Variants in RIPPLY2 observed in about 807,000 individuals in gnomAD.
RIPPLY2 encodes ripply transcriptional repressor 2, also known as protein ripply2.
RIPPLY2 carries 20 observed loss-of-function variants against 17.7 expected under a neutral mutation model. The ratio of observed to expected loss-of-function variants is 1.13; its 90% CI spans 0.79 to 1.64. RIPPLY2 has a LOEUF of 1.64. Among genes scored for constraint, RIPPLY2 ranks in the 40% most tolerant of loss-of-function variants. RIPPLY2 has a pLI of 0.00. For missense variants in RIPPLY2, 213 were observed against 169.8 expected (o/e 1.25, Z -1.41); for synonymous variants, 69 against 63.9 (o/e 1.08, Z -0.38).
chr6:83,855,053 A>G (rs1268502769), intron 3 of RIPPLY2: 1 of 152,282 alleles, frequency 6.6e-6, no homozygotes, highest in Non-Finnish European at 1.5e-5. Context: ...AGTCTTGGAA[A>G]AGTTAGTCAG....
intron 2 of RIPPLY2, 45 bp from the exon 3 acceptor site, chr6:83,854,052 A>G: frequency 6.5e-7 from 1 of 1,548,926 alleles, no homozygotes; most frequent in Non-Finnish European, 8.9e-7. Flanking sequence ...TCCACTTTCT[A>G]GAAGGAGGTG....
At position 83,853,601 on chromosome 6, in the gene RIPPLY2, C is replaced by A; in HGVS notation, c.95+90C>A. 9.7e-6 allele frequency: 15 copies of A among 1,545,420 alleles called. No homozygotes were observed. The South Asian group carries it at 1.8e-4, about 19-fold the overall frequency. ...AGCTCCTCCCCTCCAACTCTCCATC[C>A]CCCACTGCCCGGTGCCAGCGCTCGG... On this transcript the variant is annotated intron_variant, in intron 1 of 3. Transcript: ENST00000369689.
chr6:83,856,544 G>A (rs1345464656), intron 3 of RIPPLY2: 2 of 152,114 alleles, frequency 1.3e-5, no homozygotes, highest in African/African-American at 4.8e-5. Context: ...ATACTTACAT[G>A]CCAGTTATTT....
At chr6:83,853,668 C>T (rs372265905) in intron 1 of RIPPLY2, 27 bp from the exon 2 acceptor site, 3 of 1,606,816 alleles carry the variant, frequency 1.9e-6, no homozygotes, top group Admixed American at 3.4e-5. Context: ...GTCTCCTCTG[C>T]GCGCCTTGTG....
Position 83,857,279 on chromosome 6 carries a change from T to C in RIPPLY2, c.277T>C (p.Tyr93His). 8 of 1,547,336 alleles carry C rather than the reference T, an allele frequency of 5.2e-6. No homozygotes were observed. The highest frequency in any genetic ancestry group is 7.0e-6 in the Non-Finnish European group (8 of 1,150,790). Residue 93 changes from tyrosine (Y) to histidine (H), a missense_variant, in exon 4 of 4, where the codon TAT becomes CAT. Transcript: ENST00000369689. ...WPKSKCYDYL[Y>H]QEAEALLKNF... ...AAAATCAAAATGTTATGATTACTTA[T>C]ATCAAGAAGCAGAAGCTCTTCTGAA...
At chr6:83,857,165 C>T in intron 3 of RIPPLY2, 77 bp from the exon 4 acceptor site, 2 of 915,442 alleles carry the variant, frequency 2.2e-6, no homozygotes, top group Non-Finnish European at 3.1e-6. Flanking sequence ...ATATATGGAG[C>T]TCTTGAAATT....
rs1301757309 is a variant in RIPPLY2 at position 83,853,362 on chromosome 6, C to G, written c.-55C>G. 3 of 1,449,066 alleles carry G rather than the reference C, an allele frequency of 2.1e-6. No homozygotes were observed. Among genetic ancestry groups the G allele is most frequent in the Admixed American group, 4.2e-5 (2 of 47,160 alleles). The allele number at this position is 1,449,066 out of a possible 1,614,324, so 89.8% of individuals were successfully genotyped here. ...AGCTCGGGTCTCGGACCTACTGGAA[C>G]TGGTCAAGATTGCCCGCGAGCTGGC... On this transcript the variant is annotated 5_prime_UTR_variant, in exon 1 of 4. Transcript: ENST00000369689.
At chr6:83,856,178 T>G (rs1469167387) in intron 3 of RIPPLY2, 1 of 152,244 alleles carries the variant, frequency 6.6e-6, no homozygotes, top group African/African-American at 2.4e-5. Context: ...TATTCATCTT[T>G]AAATTGTGAA....
intron 1 of RIPPLY2, 66 bp downstream of exon 1, chr6:83,853,577 G>C: frequency 2.0e-6 from 3 of 1,533,126 alleles, no homozygotes; most frequent in Middle Eastern, 2.0e-4. Flanking sequence ...CGCCTCCCCA[G>C]CTCCTCCCCT....
chr6:83,853,263 T>C, upstream of RIPPLY2: 2 of 619,424 alleles, frequency 3.2e-6, no homozygotes, highest in South Asian at 4.1e-5. Flanking sequence ...CCTTTTTGTT[T>C]ATGCGGCTAG....
At chr6:83,853,604 C>A in intron 1 of RIPPLY2, 91 bp from the exon 2 acceptor site, 1 of 1,550,536 alleles carries the variant, frequency 6.4e-7, no homozygotes, top group East Asian at 2.3e-5. Flanking sequence ...CTCCATCCCC[C>A]ACTGCCCGGT....
In RIPPLY2 at chr6:83,853,782, G is replaced by A. The variant is rs765358198; in HGVS notation, c.174+9G>A. 3.1e-6 allele frequency: 5 copies of A among 1,609,848 alleles called. No homozygotes were observed. In the Admixed American group the frequency reaches 8.4e-5, roughly 27 times the overall value. On this transcript the variant is annotated intron_variant, in intron 2 of 3. Coordinates refer to ENST00000369689, the MANE Select transcript of RIPPLY2 (RefSeq NM_001009994.3). The stretch of plus-strand genomic sequence containing the variant: ...ACCACGCCGCGGAGGCGGTGAGTGA[G>A]CCACGCGTCTCAGGCCGCGCCTCCC...
At position 83,853,513 on chromosome 6, in the gene RIPPLY2, T is replaced by G. The variant is rs950221688; in HGVS notation, c.95+2T>G. The G allele has an allele frequency of 7.2e-6, 11 of 1,537,930 alleles. No individual in the cohort carries two copies. Among genetic ancestry groups the G allele is most frequent in the Middle Eastern group, 2.2e-4 (1 of 4,458 alleles). On this transcript the variant is annotated splice_donor_variant, in intron 1 of 3. Coordinates refer to ENST00000369689, the MANE Select transcript of RIPPLY2 (RefSeq NM_001009994.3). LOFTEE classifies it high-confidence loss of function. ...GCGGCGCGCGGGCGCGGACTCCGGGTAGGCTTCCCCGCGCTGCTCTGCGCC... is the reference window on the plus strand; with the variant it reads ...GCGGCGCGCGGGCGCGGACTCCGGGGAGGCTTCCCCGCGCTGCTCTGCGCC...
chr6:83,854,249 T>G, intron 3 of RIPPLY2, 88 bp downstream of exon 3: 1 of 1,011,806 alleles, frequency 9.9e-7, no homozygotes, highest in Non-Finnish European at 1.6e-6. Flanking sequence ...CCGCAGCTGG[T>G]CCTGCAGTCT....
intron 3 of RIPPLY2, 33 bp from the exon 4 acceptor site, chr6:83,857,209 G>A (rs367682293): frequency 9.9e-6 from 14 of 1,418,882 alleles, no homozygotes; most frequent in Non-Finnish European, 1.1e-5. Flanking sequence ...TCCTGAATGT[G>A]AAAAAATAAA....
chr6:83,853,986 G>T, intron 2 of RIPPLY2, 111 bp from the exon 3 acceptor site: 1 of 1,165,900 alleles, frequency 8.6e-7, no homozygotes, highest in Non-Finnish European at 1.3e-6. Context: ...CGAGGCTGCT[G>T]AGAGCCCTGG....
rs372681617 is a variant in RIPPLY2 at position 83,853,456 on chromosome 6, G to A, written c.40G>A (p.Ala14Thr). ...AGGAEGTESGAAACAATDGPT... is the reference protein window; with the variant it reads ...AGGAEGTESGTAACAATDGPT... The stretch of plus-strand genomic sequence containing the variant: ...AGGCGCAGAGGGTACAGAGAGTGGA[G>A]CTGCGGCGTGCGCGGCCACCGACGG... The change falls in exon 1 of 4, where the codon GCT (alanine) becomes ACT (threonine). Residue 14 changes from alanine (A) to threonine (T), a missense_variant. Transcript: ENST00000369689. 35 of 1,542,536 alleles carry A rather than the reference G, an allele frequency of 2.3e-5. No homozygotes were observed. The highest frequency in any genetic ancestry group is 4.0e-5 in the Admixed American group (2 of 50,624).
upstream of RIPPLY2, chr6:83,853,344 G>A (rs905545514): frequency 7.8e-7 from 1 of 1,276,292 alleles, no homozygotes; most frequent in East Asian, 2.6e-5. Flanking sequence ...TAAAGCTCGG[G>A]TCTCGGACCT....
At chr6:83,855,197 G>A (rs1222176032) in intron 3 of RIPPLY2, 2 of 152,166 alleles carry the variant, frequency 1.3e-5, no homozygotes, top group Non-Finnish European at 2.9e-5. Context: ...GGTAATCAGA[G>A]GCCAAATCTT....
Sources: gnomAD v4.1 joint callset for allele counts on GRCh38, gnomAD v4.1.1 for gene constraint, MANE v1.5 for transcripts, NCBI Gene and HGNC (gene_info 2026-07-23, HGNC 2026-07-21) for gene names.